RPL37: variants seen among roughly 807,000 people sequenced by gnomAD.
RPL37 encodes the protein large ribosomal subunit protein eL37.
RPL37 carries 1 observed loss-of-function variant against 14.8 expected under a neutral mutation model. The observed-to-expected ratio is 0.07, with a 90% confidence interval of 0.02 to 0.32. The LOEUF (loss-of-function observed/expected upper bound fraction) is 0.32, where lower values mean the gene tolerates loss of function less well. Among genes scored for constraint, RPL37 ranks in the 10% least tolerant of loss-of-function variants. The probability of loss-of-function intolerance (pLI) is 1.00; values close to 1 mark genes in which losing one functional copy is unlikely to be tolerated. For synonymous variants in RPL37, 53 were observed against 45.8 expected (o/e 1.16, Z -0.63); for missense variants, 100 against 128.3 (o/e 0.78, Z 1.06).
rs748342318 is a variant in RPL37 at position 40,832,401 on chromosome 5, T to C, written c.*103A>G. 3 of 974,608 alleles carry C rather than the reference T, an allele frequency of 3.1e-6. No individual in the cohort carries two copies. Among genetic ancestry groups the C allele is most frequent in the African/African-American group, 3.2e-5 (2 of 62,418 alleles). The allele number at this position is 974,608 out of a possible 1,614,324, so 60.4% of individuals were successfully genotyped here. A position where few individuals can be genotyped will look rare whatever the true frequency, so the allele number is the denominator to read the frequency against. ...AGCCCAGTCCCTAAACCTACAGTAT[T>C]TCACTGATACTACAAGCCTAATTGA... On this transcript the variant is annotated 3_prime_UTR_variant, in exon 4 of 4. Transcript: ENST00000274242.
rs781699898 is a variant in RPL37, at chr5:40,828,370, CTT to C, written c.*4132_*4133del. On this transcript the variant is annotated 3_prime_UTR_variant, in exon 4 of 4. Coordinates refer to ENST00000274242, the MANE Select transcript of RPL37 (RefSeq NM_000997.5). ...TGATTGAAATCTGTCAGGGCAGGGT[CTT>C]TGTTTTGTTTTCCACTTAAAAGTTT... 1 of 152,144 alleles carries C rather than the reference CTT, an allele frequency of 6.6e-6. No homozygotes were observed. Among genetic ancestry groups the C allele is most frequent in the Non-Finnish European group, 1.5e-5 (1 of 68,038 alleles). 9.4% of individuals were successfully genotyped at this position (152,144 alleles called of 1,614,324 possible).
chr5:40,835,129 G>A (rs373002408), intron 1 of RPL37, 54 bp downstream of exon 1: 2 of 1,612,914 alleles, frequency 1.2e-6, no homozygotes, highest in African/African-American at 1.3e-5. Context: ...CAAACAGAGA[G>A]GCACAAAGGA....
chr5:40,835,212 G>A lies in RPL37; in HGVS notation c.-27C>T, dbSNP rs372413205. The A allele has an allele frequency of 5.0e-5, 81 of 1,613,774 alleles. 1 individual carries two copies. The highest frequency in any genetic ancestry group is 1.8e-4 in the Admixed American group (11 of 59,996). ...TCGCTTCTGCGGCCGAGACCAGAAA[G>A]ACCGGAAGAGAAGGCACTTCCGCTA... On this transcript the variant is annotated 5_prime_UTR_variant, in exon 1 of 4. Transcript: ENST00000274242.
rs1745491432 is a variant in RPL37, at chr5:40,825,409, T to C, written c.*7095A>G. On this transcript the variant is annotated 3_prime_UTR_variant, in exon 4 of 4. Transcript: ENST00000274242. The stretch of plus-strand genomic sequence containing the variant: ...ACAAATGGAGATATATCAACTCTCA[T>C]ACAATTCTAAAAGCATTGTGCTGTG... 1.3e-5 allele frequency: 2 copies of C among 152,224 alleles called. No individual in the cohort carries two copies. Among genetic ancestry groups the C allele is most frequent in the Admixed American group, 1.3e-4 (2 of 15,282 alleles). 9.4% of individuals were successfully genotyped at this position (152,224 alleles called of 1,614,324 possible). A position where few individuals can be genotyped will look rare whatever the true frequency, so the allele number is the denominator to read the frequency against.
rs1426409365 is a variant in RPL37, at chr5:40,828,434, A to AT, written c.*4069_*4070insA. 1 of 152,200 alleles carries AT rather than the reference A, an allele frequency of 6.6e-6. No individual in the cohort carries two copies. The highest frequency in any genetic ancestry group is 1.5e-5 in the Non-Finnish European group (1 of 68,030). The allele number at this position is 152,200 out of a possible 1,614,324, so 9.4% of individuals were successfully genotyped here. ...TAGCTTTTGACACATAGTAGTCACTAAATAGATACTTGCTTCATGAATGAA... is the reference window on the plus strand; with the variant it reads ...TAGCTTTTGACACATAGTAGTCACTATAATAGATACTTGCTTCATGAATGAA... On this transcript the variant is annotated 3_prime_UTR_variant, in exon 4 of 4. Coordinates refer to ENST00000274242, the MANE Select transcript of RPL37 (RefSeq NM_000997.5).
intron 1 of RPL37, 155 bp downstream of exon 1, chr5:40,835,028 G>C: frequency 1.0e-6 from 1 of 965,024 alleles, no homozygotes; most frequent in Non-Finnish European, 1.6e-6. Flanking sequence ...CCAGTTAGCA[G>C]TCATTCTTCT....
At chr5:40,832,877 T>C (rs1745673376) in intron 3 of RPL37, 1 of 418,092 alleles carries the variant, frequency 2.4e-6, no homozygotes, top group African/African-American at 2.0e-5. Flanking sequence ...ACAGATTATT[T>C]GTGAAAATGG....
At position 40,830,306 on chromosome 5, in the gene RPL37, G is replaced by C. The variant is rs1745614750; in HGVS notation, c.*2198C>G. On this transcript the variant is annotated 3_prime_UTR_variant, in exon 4 of 4. Transcript: ENST00000274242. ...AAGGCAGGACTGAAGTGCTGTTAAA[G>C]ATAGAAATATAGACAATAGGTGGGG... is the stretch of plus-strand genomic sequence containing the variant. 1 of 152,088 alleles carries C rather than the reference G, an allele frequency of 6.6e-6. No homozygotes were observed. Among genetic ancestry groups the C allele is most frequent in the African/African-American group, 2.4e-5 (1 of 41,400 alleles). 9.4% of individuals were successfully genotyped at this position (152,088 alleles called of 1,614,324 possible). A position where few individuals can be genotyped will look rare whatever the true frequency, so the allele number is the denominator to read the frequency against.
chr5:40,828,016 C>T lies in RPL37; in HGVS notation c.*4488G>A, dbSNP rs187028678. ...AATGTGCTAATAAATGTGAAACAGC[C>T]TCTTTCTCTGAAACAAGTTCTTCAG... is the stretch of plus-strand genomic sequence containing the variant. On this transcript the variant is annotated 3_prime_UTR_variant, in exon 4 of 4. Transcript: ENST00000274242. The T allele has an allele frequency of 1.3e-5, 2 of 152,160 alleles. No individual in the cohort carries two copies. 9.4% of individuals were successfully genotyped at this position (152,160 alleles called of 1,614,324 possible). A position where few individuals can be genotyped will look rare whatever the true frequency, so the allele number is the denominator to read the frequency against.
chr5:40,829,153 G>C lies in RPL37; in HGVS notation c.*3351C>G, dbSNP rs982233641. 4.6e-5 allele frequency: 7 copies of C among 152,130 alleles called. No individual in the cohort carries two copies. Among genetic ancestry groups the C allele is most frequent in the Non-Finnish European group, 1.0e-4 (7 of 68,028 alleles). The allele number at this position is 152,130 out of a possible 1,614,324, so 9.4% of individuals were successfully genotyped here. A position where few individuals can be genotyped will look rare whatever the true frequency, so the allele number is the denominator to read the frequency against. ...AAGCTTGGAAGTTAGCTACTCACTT[G>C]CACATTCAAGTTTTAGATGTTTTCT... On this transcript the variant is annotated 3_prime_UTR_variant, in exon 4 of 4. Transcript: ENST00000274242.
rs1745524469 is a variant in RPL37, at chr5:40,826,641, GA to G, written c.*5862del. 2 of 152,224 alleles carry G rather than the reference GA, an allele frequency of 1.3e-5. No individual in the cohort carries two copies. The highest frequency in any genetic ancestry group is 4.1e-4 in the South Asian group (2 of 4,836). The allele number at this position is 152,224 out of a possible 1,614,324, so 9.4% of individuals were successfully genotyped here. A position where few individuals can be genotyped will look rare whatever the true frequency, so the allele number is the denominator to read the frequency against. ...AGGGCTGCTGCCATGCGATCTCCCT[GA>G]AATTGTTTTTTTCAGGCCAGGGATG... On this transcript the variant is annotated 3_prime_UTR_variant, in exon 4 of 4. Transcript: ENST00000274242.
In RPL37 at chr5:40,831,641, CCAGTT is replaced by C. The variant is rs1415552273; in HGVS notation, c.*858_*862del. The C allele has an allele frequency of 6.6e-6, 1 of 152,300 alleles. No homozygotes were observed. The highest frequency in any genetic ancestry group is 1.5e-5 in the Non-Finnish European group (1 of 68,036). The allele number at this position is 152,300 out of a possible 1,614,324, so 9.4% of individuals were successfully genotyped here. ...TGCCCCTGCCCTCTCACTCAGCAGT[CCAGTT>C]GACTTTGTCCCTTCATTTTAAAAAA... is the stretch of plus-strand genomic sequence containing the variant. On this transcript the variant is annotated 3_prime_UTR_variant, in exon 4 of 4. Transcript: ENST00000274242.
intron 2 of RPL37, 98 bp downstream of exon 2, chr5:40,834,373 G>C: frequency 1.3e-6 from 2 of 1,573,756 alleles, no homozygotes; most frequent in Admixed American, 1.7e-5. Context: ...AGATGTACGA[G>C]TTTTAAGATA....
chr5:40,832,596 A>G, intron 3 of RPL37, 23 bp from the exon 4 acceptor site: 2 of 1,600,742 alleles, frequency 1.2e-6, no homozygotes, highest in Non-Finnish European at 1.7e-6. Context: ...AAAAACAAGA[A>G]CAAGTTACTT....
In RPL37 at chr5:40,827,433, C is replaced by T. The variant is rs369305444; in HGVS notation, c.*5071G>A. ...CTTCTGACGATTACATAGGACTGCA[C>T]GTTTTACCTATTGAAATAAAACTGT... On this transcript the variant is annotated 3_prime_UTR_variant, in exon 4 of 4. Transcript: ENST00000274242. 1.2e-4 allele frequency: 19 copies of T among 152,170 alleles called. No homozygotes were observed. Among genetic ancestry groups the T allele is most frequent in the Middle Eastern group, 3.2e-3 (1 of 316 alleles). The allele number at this position is 152,170 out of a possible 1,614,324, so 9.4% of individuals were successfully genotyped here. A position where few individuals can be genotyped will look rare whatever the true frequency, so the allele number is the denominator to read the frequency against.
In RPL37 at chr5:40,830,723, T is replaced by C. The variant is rs190976654; in HGVS notation, c.*1781A>G. On this transcript the variant is annotated 3_prime_UTR_variant, in exon 4 of 4. Transcript: ENST00000274242. Reference sequence around the variant, plus strand: ...TGTGGGCCAGGGTGATCTCGATCTCTTGACCTTGTGATCCGCCCACCTCGG... The same window carrying C: ...TGTGGGCCAGGGTGATCTCGATCTCCTGACCTTGTGATCCGCCCACCTCGG... 967 of 151,640 alleles carry C rather than the reference T, an allele frequency of 6.4e-3. 8 individuals are homozygous for C. The highest frequency in any genetic ancestry group is 0.022 in the African/African-American group (930 of 41,342). The allele number at this position is 151,640 out of a possible 1,614,324, so 9.4% of individuals were successfully genotyped here.
chr5:40,828,573 T>C lies in RPL37; in HGVS notation c.*3931A>G, dbSNP rs1745568965. ...CCTCACTGCCCAATCTCGTGACCTC[T>C]TGGCAAACTGGTTTTTCTTTGCTGC... On this transcript the variant is annotated 3_prime_UTR_variant, in exon 4 of 4. Transcript: ENST00000274242. 6.6e-6 allele frequency: 1 copy of C among 152,220 alleles called. No individual in the cohort carries two copies. The highest frequency in any genetic ancestry group is 1.5e-5 in the Non-Finnish European group (1 of 68,028). The allele number at this position is 152,220 out of a possible 1,614,324, so 9.4% of individuals were successfully genotyped here.
chr5:40,834,961 C>T, intron 1 of RPL37: 1 of 654,582 alleles, frequency 1.5e-6, no homozygotes, highest in Non-Finnish European at 2.7e-6. Flanking sequence ...TGGACCGAGG[C>T]AAAGGACACA....
In RPL37 at chr5:40,828,032, A is replaced by C. The variant is rs1398169766; in HGVS notation, c.*4472T>G. 6.6e-6 allele frequency: 1 copy of C among 152,216 alleles called. No individual in the cohort carries two copies. Among genetic ancestry groups the C allele is most frequent in the African/African-American group, 2.4e-5 (1 of 41,466 alleles). 9.4% of individuals were successfully genotyped at this position (152,216 alleles called of 1,614,324 possible). A position where few individuals can be genotyped will look rare whatever the true frequency, so the allele number is the denominator to read the frequency against. Reference sequence around the variant, plus strand: ...TGAAACAGCCTCTTTCTCTGAAACAAGTTCTTCAGTAAAATAATTCTGTAA... The same window carrying C: ...TGAAACAGCCTCTTTCTCTGAAACACGTTCTTCAGTAAAATAATTCTGTAA... On this transcript the variant is annotated 3_prime_UTR_variant, in exon 4 of 4. Coordinates refer to ENST00000274242, the MANE Select transcript of RPL37 (RefSeq NM_000997.5).
Sources: allele counts gnomAD v4.1 joint callset, GRCh38; gene constraint gnomAD v4.1.1; transcripts MANE v1.5; gene names NCBI Gene and HGNC (gene_info 2026-07-23, HGNC 2026-07-21).